The following TIMM23B variants were observed in gnomAD, a reference collection of about 807,000 sequenced individuals.
The protein encoded by TIMM23B is mitochondrial import inner membrane translocase subunit Tim23B.
In TIMM23B, 27 loss-of-function variants were observed where a neutral mutation model predicts 27.3. That is an observed-to-expected ratio of 0.99 (90% CI 0.73 to 1.36). TIMM23B has a LOEUF of 1.36. TIMM23B is among the 40% of genes most tolerant of loss of function. The probability of loss-of-function intolerance (pLI) is 0.00; values close to 1 mark genes in which losing one functional copy is unlikely to be tolerated. For missense variants in TIMM23B, 205 were observed against 244.2 expected, an observed-to-expected ratio of 0.84 and a Z score of 1.07; for synonymous variants, 73 against 92.4, an observed-to-expected ratio of 0.79 and a Z score of 1.21.
chr10:49,972,795 A>G, intron 6 of TIMM23B: 1 of 581,300 alleles, frequency 1.7e-6, no homozygotes, highest in East Asian at 2.9e-5. Flanking sequence ...CGAATAAGCA[A>G]GAGTTCTTTT....
intron 5 of TIMM23B, among the ~76,000 whole-genome samples, chr10:49,955,291 T>C (rs1487040547): frequency 6.6e-6 from 1 of 152,196 alleles, no homozygotes; most frequent in African/African-American, 2.4e-5. Context: ...TTTTAAAATA[T>C]TTTGGACACT....
At chr10:49,952,254 A>G in intron 3 of TIMM23B, 35 bp downstream of exon 3, 4 of 1,566,830 alleles carry the variant, frequency 2.6e-6, no homozygotes, top group Non-Finnish European at 3.5e-6. Flanking sequence ...AAGAGTGCTC[A>G]GTTCAAGTAG....
At chr10:49,955,231 T>C (rs1223900055) in intron 5 of TIMM23B, among the ~76,000 whole-genome samples, 171 bp downstream of exon 5, 6 of 152,216 alleles carry the variant, frequency 3.9e-5, no homozygotes, top group Non-Finnish European at 5.9e-5. Flanking sequence ...ATGAACTAAC[T>C]TATGAAATAA....
chr10:49,951,358 A>G (rs1215234932), intron 2 of TIMM23B, among the ~76,000 whole-genome samples: 1 of 151,530 alleles, frequency 6.6e-6, no homozygotes, highest in Non-Finnish European at 1.5e-5. Flanking sequence ...TATTTTAACC[A>G]TCTTTGGATG....
chr10:49,950,090 A>C (rs1328838475), intron 2 of TIMM23B, among the ~76,000 whole-genome samples: 1 of 152,122 alleles, frequency 6.6e-6, no homozygotes, highest in South Asian at 2.1e-4. Context: ...TCAAGTAATA[A>C]ATTTTTTTGT....
chr10:49,957,888 C>T (rs1839778029), intron 5 of TIMM23B, among the ~76,000 whole-genome samples: 1 of 151,990 alleles, frequency 6.6e-6, no homozygotes, highest in Non-Finnish European at 1.5e-5. Flanking sequence ...GGCCTGCCTG[C>T]CCAGATTCTC....
chr10:49,966,136 G>A (rs1334872825), intron 6 of TIMM23B, among the ~76,000 whole-genome samples: 1 of 151,396 alleles, frequency 6.6e-6, no homozygotes, highest in Non-Finnish European at 1.5e-5. Context: ...GAAATGCTGG[G>A]TGTGGTGGTG....
rs1161673647 is a variant in TIMM23B, at chr10:49,966,104, A to G, written c.515-6908A>G. ...ACATGACATGACATGACATGATGAA[A>G]TGAAATAATGAAATGAATAATGAAA... On this transcript the variant is annotated intron_variant, in intron 6 of 6. Coordinates refer to ENST00000651259, the MANE Select transcript of TIMM23B (RefSeq NM_001290117.2). 1.8e-4 allele frequency among the ~76,000 whole-genome samples: 25 copies of G among 138,808 alleles called. 1 individual carries two copies. Among genetic ancestry groups the G allele is most frequent in the Admixed American group, 1.5e-3 (21 of 14,250 alleles). The allele number at this position is 138,808 out of a possible 152,430, so 91.1% of individuals were successfully genotyped here.
Position 49,958,456 on chromosome 10 carries a change from A to T in TIMM23B, c.490A>T (p.Thr164Ser). ...DLNTVAAGTM[T>S]GMLYKCTVSE... ...TAACACAGTAGCAGCTGGAACCATG[A>T]CAGGCATGTTGTATAAATGTACAGG... The change falls in exon 6 of 7, where the codon ACA becomes TCA. Residue 164 changes from threonine to serine, a missense_variant. Physicochemically the swap from Thr to Ser is moderately conservative, Grantham distance 58. Transcript: ENST00000651259. 1 of 1,613,544 alleles carries T rather than the reference A, an allele frequency of 6.2e-7. No homozygotes were observed.
chr10:49,943,197 A>G (rs1181068673), intron 1 of TIMM23B: 11 of 152,074 alleles, frequency 7.2e-5, no homozygotes, highest in Admixed American at 4.6e-4. Flanking sequence ...TCTACAACAC[A>G]TGGTGTTTTG....
chr10:49,947,189 A>G (rs1345616098), intron 2 of TIMM23B, among the ~76,000 whole-genome samples: 2 of 152,244 alleles, frequency 1.3e-5, no homozygotes, highest in African/African-American at 4.8e-5. Context: ...CATGGGCACA[A>G]GTAGTTGTGA....
At position 49,952,534 on chromosome 10, in the gene TIMM23B, G is replaced by A; in HGVS notation, c.344+1G>A. The A allele has an allele frequency of 6.2e-7, 1 of 1,612,972 alleles. No individual in the cohort carries two copies. The highest frequency in any genetic ancestry group is 8.5e-7 in the Non-Finnish European group (1 of 1,179,360). Reference sequence around the variant, plus strand: ...CCTGGTCCAAACCAGGAAATGTACAGTAAGTCTCTTGTAACCATCTGATGT... The same window carrying A: ...CCTGGTCCAAACCAGGAAATGTACAATAAGTCTCTTGTAACCATCTGATGT... On this transcript the variant is annotated splice_donor_variant, in intron 4 of 6. Transcript: ENST00000651259. LOFTEE classifies it high-confidence loss of function.
chr10:49,967,759 T>A (rs1261191219), intron 6 of TIMM23B, among the ~76,000 whole-genome samples: 2 of 151,850 alleles, frequency 1.3e-5, no homozygotes, highest in Non-Finnish European at 1.5e-5. Context: ...ATATCAAATA[T>A]TCAGCCTTTT....
At chr10:49,953,132 A>G (rs1276391838) in intron 4 of TIMM23B, among the ~76,000 whole-genome samples, 3 of 152,216 alleles carry the variant, frequency 2.0e-5, no homozygotes, top group African/African-American at 7.2e-5. Flanking sequence ...TTAAGAAGTA[A>G]ACATGGCCAG....
At chr10:49,949,898 T>G (rs1172736473) in intron 2 of TIMM23B, among the ~76,000 whole-genome samples, 1 of 151,544 alleles carries the variant, frequency 6.6e-6, no homozygotes, top group Non-Finnish European at 1.5e-5. Context: ...TTGTCCAGGC[T>G]GGTCTGGAAC....
chr10:49,952,067 C>G lies in TIMM23B; in HGVS notation c.166-59C>G, dbSNP rs1422194517. 6 of 1,304,648 alleles carry G rather than the reference C, an allele frequency of 4.6e-6. No individual in the cohort carries two copies. In the African/African-American group the frequency reaches 7.4e-5, roughly 16 times the overall value. The allele number at this position is 1,304,648 out of a possible 1,614,324, so 80.8% of individuals were successfully genotyped here. ...ACTACTTGAAATGTTAAAAAGGCAACTTTACAAGATTTGTGTCTTGAGGGA... is the reference window on the plus strand; with the variant it reads ...ACTACTTGAAATGTTAAAAAGGCAAGTTTACAAGATTTGTGTCTTGAGGGA... On this transcript the variant is annotated intron_variant, in intron 2 of 6. Coordinates refer to ENST00000651259, the MANE Select transcript of TIMM23B (RefSeq NM_001290117.2).
chr10:49,955,372 A>G (rs1386340512), intron 5 of TIMM23B, among the ~76,000 whole-genome samples: 1 of 152,230 alleles, frequency 6.6e-6, no homozygotes, highest in Non-Finnish European at 1.5e-5. Flanking sequence ...GGTCCAAAGT[A>G]AAGAGCTTTG....
chr10:49,969,005 CT>C (rs1167540493), intron 6 of TIMM23B, among the ~76,000 whole-genome samples: 1 of 152,220 alleles, frequency 6.6e-6, no homozygotes. Flanking sequence ...GTGCTTATTG[CT>C]GAAGGTATAA....
intron 1 of TIMM23B, among the ~76,000 whole-genome samples, chr10:49,943,594 C>T (rs1443511688): frequency 6.6e-6 from 1 of 151,920 alleles, no homozygotes; most frequent in Non-Finnish European, 1.5e-5. Flanking sequence ...GGCATATACA[C>T]TTCCTTAATG....
Sources: gnomAD v4.1 joint callset for allele counts (sites outside exome capture counted in the v4.1 genomes callset) on GRCh38, gnomAD v4.1.1 for gene constraint, MANE v1.5 for transcripts, NCBI Gene and HGNC (gene_info 2026-07-23, HGNC 2026-07-21) for gene names.